The following SUPT6H variants were observed in gnomAD, a reference collection of about 807,000 sequenced individuals.
SUPT6H encodes transcription elongation factor SPT6.
In SUPT6H, 11 loss-of-function variants were observed where a neutral mutation model predicts 222.3. The observed-to-expected ratio is 0.05, with a 90% CI of 0.03 to 0.08. SUPT6H has a LOEUF of 0.08. Among genes scored for constraint, SUPT6H ranks in the 10% least tolerant of loss-of-function variants. SUPT6H has a pLI of 1.00. For missense variants in SUPT6H, 1,422 were observed against 2,216.0 expected, an observed-to-expected ratio of 0.64 and a Z score of 7.19; for synonymous variants, 762 against 801.2, an observed-to-expected ratio of 0.95 and a Z score of 0.83.
chr17:28,680,910 G>A (rs2031068165), intron 11 of SUPT6H, among the ~76,000 whole-genome samples: 1 of 152,196 alleles, frequency 6.6e-6, no homozygotes, highest in Admixed American at 6.5e-5. Flanking sequence ...GCCTTCCAAA[G>A]TGCTGGGATT....
At position 28,688,110 on chromosome 17, in the gene SUPT6H, C is replaced by T. The variant is rs763902025; in HGVS notation, c.3026C>T (p.Thr1009Ile). 3 of 1,613,046 alleles carry T rather than the reference C, an allele frequency of 1.9e-6. No individual in the cohort carries two copies. Among genetic ancestry groups the T allele is most frequent in the Non-Finnish European group, 2.5e-6 (3 of 1,179,420 alleles). Residue 1009 changes from threonine to isoleucine, a missense_variant, in exon 24 of 37, where the codon ACC becomes ATC. By Grantham distance (89) the Thr-to-Ile change is moderately conservative. Coordinates refer to ENST00000314616, the MANE Select transcript of SUPT6H (RefSeq NM_003170.5). The surrounding 1 kb of genome is among the most constrained non-coding windows in gnomAD (Gnocchi z 4.3). ...HLLKILKQNN[T>I]RLESRTQLVT... is the part of the protein sequence containing the mutation. ...CCCCAGATCCTGAAGCAGAACAACA[C>T]CCGGCTCGAGAGCCGGACCCAGCTG... is the stretch of plus-strand genomic sequence containing the variant.
At chr17:28,679,455 A>C (rs1272132182) in intron 11 of SUPT6H, among the ~76,000 whole-genome samples, 4 of 152,268 alleles carry the variant, frequency 2.6e-5, no homozygotes, top group Non-Finnish European at 4.4e-5. Flanking sequence ...AGGATGAGGC[A>C]AGAGTATCAC....
chr17:28,672,720 CT>C (rs1362833802), intron 1 of SUPT6H: 18 of 147,942 alleles, frequency 1.2e-4, no homozygotes, highest in Non-Finnish European at 1.4e-4. Context: ...GGCCTAATGG[CT>C]TTTTTTTTTA....
At position 28,684,863 on chromosome 17, in the gene SUPT6H, G is replaced by A. The variant is rs751459672; in HGVS notation, c.2389G>A (p.Ala797Thr). ...TGGCAGAGATCACCCTGTGTTCTGC[G>A]CCCTGGTCAATGGTGAAGGAGAAGT... ...SSARDHPVFC[A>T]LVNGEGEVTD... The change falls in exon 19 of 37, where the codon GCC becomes ACC. Residue 797 changes from alanine to threonine, a missense_variant. Ala to Thr is a moderately conservative substitution (Grantham distance 58, BLOSUM62 0). Transcript: ENST00000314616. 6.8e-6 allele frequency: 11 copies of A among 1,613,936 alleles called. No homozygotes were observed. The highest frequency in any genetic ancestry group is 2.2e-5 in the East Asian group (1 of 44,896).
At position 28,681,229 on chromosome 17, in the gene SUPT6H, T is replaced by C. The variant is rs775154010; in HGVS notation, c.1350-27T>C. 5 of 1,612,810 alleles carry C rather than the reference T, an allele frequency of 3.1e-6. No homozygotes were observed. In the Admixed American group the frequency reaches 6.7e-5, roughly 22 times the overall value. On this transcript the variant is annotated intron_variant, in intron 11 of 36. Transcript: ENST00000314616. ...GATATACCCTTTCTGCAGTGATGAC[T>C]GAAACCTTATGTCTCTTCTTTTTCA...
intron 11 of SUPT6H, among the ~76,000 whole-genome samples, chr17:28,679,173 A>G (rs965626207): frequency 5.3e-5 from 8 of 152,268 alleles, no homozygotes; most frequent in Admixed American, 2.6e-4. Flanking sequence ...GGAGTTCAAG[A>G]TCAGCTTGGC....
rs1336464603 is a variant in SUPT6H, at chr17:28,676,429, A to C, written c.896A>C (p.Gln299Pro). Residue 299 changes from glutamine to proline, a missense_variant and splice_region_variant, in exon 7 of 37, where the codon CAG becomes CCG. Physicochemically the swap from Gln to Pro is moderately conservative, Grantham distance 76 (BLOSUM62 -1). Transcript: ENST00000314616. Reference sequence around the variant, plus strand: ...GCCACTGACCTGCCTGAGAGGTTCCAGGTAAAAAACCACCAGCCTCTGCTC... The same window carrying C: ...GCCACTGACCTGCCTGAGAGGTTCCCGGTAAAAAACCACCAGCCTCTGCTC... ...IRATDLPERF[Q>P]LRSIPVKGAE... 1 of 1,613,772 alleles carries C rather than the reference A, an allele frequency of 6.2e-7. No homozygotes were observed.
chr17:28,667,405 G>GTGTGTATATA (rs1465539733), intron 1 of SUPT6H, among the ~76,000 whole-genome samples: 2 of 49,304 alleles, frequency 4.1e-5, no homozygotes, highest in African/African-American at 8.0e-5. Context: ...GTGTGTGTGT[G>GTGTGTATATA]TATATATATA....
At position 28,701,023 on chromosome 17, in the gene SUPT6H, TCAC is replaced by T; in HGVS notation, c.4894_4896del (p.Thr1632del). ...TCCTACACGACCCCAAGCCAGCCCA[TCAC>T]CACCCCTCAGTACCACCAGCTCCAG... On this transcript the variant is annotated inframe_deletion, in exon 36 of 37. Coordinates refer to ENST00000314616, the MANE Select transcript of SUPT6H (RefSeq NM_003170.5). 1.9e-6 allele frequency: 3 copies of T among 1,614,030 alleles called. No homozygotes were observed. The highest frequency in any genetic ancestry group is 2.5e-6 in the Non-Finnish European group (3 of 1,179,996).
chr17:28,675,518 G>T, intron 6 of SUPT6H, 33 bp downstream of exon 6: 1 of 1,609,552 alleles, frequency 6.2e-7, no homozygotes, highest in Non-Finnish European at 8.5e-7. Context: ...TGGGGATAAA[G>T]TGATTGAGTG....
chr17:28,700,311 C>CT (rs1430750667), intron 34 of SUPT6H, 35 bp from the exon 35 acceptor site: 2 of 1,614,118 alleles, frequency 1.2e-6, no homozygotes, highest in South Asian at 1.1e-5. Context: ...ACTTTCACCT[C>CT]TAACATGCCC....
At chr17:28,679,716 G>A (rs1459415318) in intron 11 of SUPT6H, among the ~76,000 whole-genome samples, 1 of 151,852 alleles carries the variant, frequency 6.6e-6, no homozygotes, top group Admixed American at 6.6e-5. Flanking sequence ...CTGGGGCCTG[G>A]CACGGTGGCT....
At position 28,678,882 on chromosome 17, in the gene SUPT6H, A is replaced by G; in HGVS notation, c.1268A>G (p.Tyr423Cys). 6.2e-7 allele frequency: 1 copy of G among 1,614,252 alleles called. No homozygotes were observed. The highest frequency in any genetic ancestry group is 8.5e-7 in the Non-Finnish European group (1 of 1,180,050). Residue 423 changes from tyrosine (Y) to cysteine (C), a missense_variant, in exon 11 of 37, where the codon TAT becomes TGT. Physicochemically the swap from Tyr to Cys is radical, Grantham distance 194 (BLOSUM62 -2). This residue lies in a region of SUPT6H where 389 missense variants were observed against 544.6 expected (regional missense o/e 0.71). Transcript: ENST00000314616. ...CGGCTGTTTGAGAAGATGCAGGCTT[A>G]TCAGTATGAACAGATCTCTGCTGAC... ...LTRLFEKMQA[Y>C]QYEQISADPD...
At chr17:28,667,501 GTA>G (rs150189935) in intron 1 of SUPT6H, among the ~76,000 whole-genome samples, 13,746 of 138,096 alleles carry the variant, frequency 0.1, 730 homozygotes, top group South Asian at 0.15. Flanking sequence ...ATGTATATGT[GTA>G]TATATATATA....
intron 1 of SUPT6H, among the ~76,000 whole-genome samples, chr17:28,663,181 C>T (rs886246390): frequency 6.6e-6 from 1 of 152,166 alleles, no homozygotes; most frequent in African/African-American, 2.4e-5. Context: ...TGATTAATTT[C>T]TTCGGAAAAA....
At chr17:28,700,805 G>A in intron 35 of SUPT6H, 136 bp from the exon 36 acceptor site, 1 of 1,151,740 alleles carries the variant, frequency 8.7e-7, no homozygotes, top group East Asian at 2.4e-5. Context: ...GCTTCCCACT[G>A]CTGGTCAGAA....
chr17:28,678,633 A>G lies in SUPT6H; in HGVS notation c.1205A>G (p.Lys402Arg), dbSNP rs1437848188. The G allele has an allele frequency of 1.2e-6, 2 of 1,614,050 alleles. No individual in the cohort carries two copies. The highest frequency in any genetic ancestry group is 4.5e-5 in the East Asian group (2 of 44,892). Residue 402 changes from lysine (K) to arginine (R), a missense_variant and splice_region_variant, in exon 10 of 37, where the codon AAG becomes AGG. Physicochemically the swap from Lys to Arg is conservative, Grantham distance 26. Coordinates refer to ENST00000314616, the MANE Select transcript of SUPT6H (RefSeq NM_003170.5). ...TGGAGAGTCTGGCAGTGGGATGAAA[A>G]GGTAATGTAGATCCGTGGCCCCCAA... The part of the protein sequence containing the change: ...DLWRVWQWDE[K>R]WTQLRIRKEN...
chr17:28,687,035 G>T, intron 21 of SUPT6H, 53 bp from the exon 22 acceptor site: 2 of 1,597,034 alleles, frequency 1.3e-6, no homozygotes, highest in South Asian at 1.1e-5. Flanking sequence ...ATTTCCTCTT[G>T]ATGTTGTAGC....
chr17:28,690,025 T>C, intron 25 of SUPT6H, 57 bp from the exon 26 acceptor site: 9 of 1,571,144 alleles, frequency 5.7e-6, no homozygotes, highest in East Asian at 2.3e-5. Flanking sequence ...ACGGGACTCC[T>C]TGAGGCTCAG....
Sources: gnomAD v4.1 joint callset for allele counts (sites outside exome capture counted in the v4.1 genomes callset) on GRCh38, gnomAD v4.1.1 for gene constraint, gnomAD v4.1.1 regional missense constraint, Gnocchi (gnomAD v3.1) non-coding constraint, MANE v1.5 for transcripts, NCBI Gene and HGNC (gene_info 2026-07-23, HGNC 2026-07-21) for gene names.